Variants in MED12L observed in about 807,000 individuals in gnomAD.
MED12L encodes the protein mediator of RNA polymerase II transcription subunit 12-like protein.
Under a neutral mutation model 281.3 loss-of-function variants are expected in MED12L, and 60 were observed. That is an observed-to-expected ratio of 0.21 (90% CI 0.17 to 0.26). The LOEUF is 0.26. Ranked by LOEUF, MED12L falls within the 10% of genes least tolerant of loss-of-function variation. MED12L has a pLI of 1.00. For missense variants in MED12L, 2,146 were observed against 2,680.9 expected, an observed-to-expected ratio of 0.80 and a Z score of 4.41; for synonymous variants, 974 against 987.2, an observed-to-expected ratio of 0.99 and a Z score of 0.25.
chr3:151,201,826 C>T (rs1016678915), intron 16 of MED12L, among the ~76,000 whole-genome samples: 2 of 152,184 alleles, frequency 1.3e-5, no homozygotes, highest in Non-Finnish European at 2.9e-5. Context: ...CTTATTGTTA[C>T]TTTCTAAGGC....
chr3:151,188,499 T>C lies in MED12L; in HGVS notation c.1753+19T>C. ...TCTTTGTGTAAGTAGAGAAAACTCT[T>C]TGCCTCTAGATCTTAAATAAGGGAT... is the stretch of plus-strand genomic sequence containing the variant. On this transcript the variant is annotated intron_variant, in intron 13 of 44. Transcript: ENST00000687756. 6.3e-7 allele frequency: 1 copy of C among 1,594,414 alleles called. No homozygotes were observed. The highest frequency in any genetic ancestry group is 8.5e-7 in the Non-Finnish European group (1 of 1,171,118).
intron 16 of MED12L, among the ~76,000 whole-genome samples, chr3:151,348,489 AT>A (rs1428860714): frequency 6.6e-6 from 1 of 152,020 alleles, no homozygotes; most frequent in Non-Finnish European, 1.5e-5. Context: ...GTATCCTATG[AT>A]TAGGAATATC....
chr3:151,209,966 G>A (rs1309749490), intron 16 of MED12L, among the ~76,000 whole-genome samples: 3 of 152,152 alleles, frequency 2.0e-5, no homozygotes, highest in African/African-American at 7.2e-5. Context: ...TTTTAGGTTA[G>A]GACTGATGCA....
intron 26 of MED12L, among the ~76,000 whole-genome samples, chr3:151,370,613 T>G (rs1756058233): frequency 6.6e-6 from 1 of 152,174 alleles, no homozygotes; most frequent in African/African-American, 2.4e-5. Context: ...CATTAAGTGC[T>G]CATTTCAGTG....
intron 16 of MED12L, chr3:151,294,716 A>T: frequency 6.2e-7 from 1 of 1,614,210 alleles, no homozygotes; most frequent in South Asian, 1.1e-5. Flanking sequence ...TGTTAGGATG[A>T]TGTTTGGCAA....
At chr3:151,401,216 C>T (rs996531635) in intron 39 of MED12L, among the ~76,000 whole-genome samples, 21 of 150,514 alleles carry the variant, frequency 1.4e-4, no homozygotes, top group Middle Eastern at 3.5e-3. Context: ...TATTTCATTA[C>T]GAATATTAAT....
intron 16 of MED12L, among the ~76,000 whole-genome samples, chr3:151,314,520 A>C (rs1202111184): frequency 1.3e-5 from 2 of 152,224 alleles, no homozygotes; most frequent in Non-Finnish European, 2.9e-5. Flanking sequence ...TGGCACTTGT[A>C]TTAATACTTG....
Position 151,086,854 on chromosome 3 carries a change from C to G in MED12L, c.-73C>G. ...AGAGAGGGAGTCTGTCTGCAAAGTG[C>G]TGCTCCCTGGTGCTCAGAGGCGGCT... On this transcript the variant is annotated 5_prime_UTR_variant, in exon 2 of 45. Coordinates refer to ENST00000687756, the MANE Select transcript of MED12L (RefSeq NM_001393769.1). 8.2e-7 allele frequency: 1 copy of G among 1,226,262 alleles called. No individual in the cohort carries two copies. Among genetic ancestry groups the G allele is most frequent in the Non-Finnish European group, 1.1e-6 (1 of 875,128 alleles). The allele number at this position is 1,226,262 out of a possible 1,614,324, so 76.0% of individuals were successfully genotyped here. A position where few individuals can be genotyped will look rare whatever the true frequency, so the allele number is the denominator to read the frequency against.
intron 5 of MED12L, among the ~76,000 whole-genome samples, chr3:151,145,249 G>T (rs552447747): frequency 3.7e-4 from 57 of 152,282 alleles, no homozygotes; most frequent in African/African-American, 1.3e-3. Flanking sequence ...GTTAATGCAT[G>T]TCAGGGGCTT....
intron 5 of MED12L, among the ~76,000 whole-genome samples, chr3:151,133,592 T>G (rs1201882267): frequency 1.3e-5 from 2 of 152,002 alleles, no homozygotes; most frequent in African/African-American, 4.8e-5. Context: ...TTCTTAGTCC[T>G]TGTGAGACCT....
At chr3:151,405,975 T>C (rs1357288181) in intron 39 of MED12L, among the ~76,000 whole-genome samples, 1 of 152,248 alleles carries the variant, frequency 6.6e-6, no homozygotes, top group African/African-American at 2.4e-5. Flanking sequence ...AAATCTTAGT[T>C]ATTCTGAACA....
chr3:151,354,224 T>C (rs1003803111), intron 17 of MED12L, among the ~76,000 whole-genome samples: 5 of 151,954 alleles, frequency 3.3e-5, no homozygotes, highest in African/African-American at 9.7e-5. Flanking sequence ...TTTTTGTTTT[T>C]AGATTTGTCT....
At chr3:151,103,981 A>C (rs747648291) in intron 2 of MED12L, among the ~76,000 whole-genome samples, 8 of 152,170 alleles carry the variant, frequency 5.3e-5, no homozygotes, top group Non-Finnish European at 7.4e-5. Flanking sequence ...GTGCTGTTTA[A>C]ATGTGAGGGA....
At chr3:151,127,647 A>G (rs1714728882) in intron 4 of MED12L, among the ~76,000 whole-genome samples, 178 bp from the exon 5 acceptor site, 1 of 152,194 alleles carries the variant, frequency 6.6e-6, no homozygotes, top group African/African-American at 2.4e-5. Context: ...TTGGCTTAAA[A>G]TGTTCCTTTA....
intron 16 of MED12L, chr3:151,295,355 T>C (rs910505954): frequency 3.3e-6 from 2 of 607,412 alleles, no homozygotes; most frequent in African/African-American, 1.8e-5. Context: ...GGTAGCACAT[T>C]GTTAATGTTT....
chr3:151,166,117 T>C (rs553538471), intron 11 of MED12L, 135 bp downstream of exon 11: 2 of 671,778 alleles, frequency 3.0e-6, no homozygotes, highest in South Asian at 2.6e-5. Flanking sequence ...CTTGAAATCA[T>C]TCTATTGTTG....
At chr3:151,118,951 T>A (rs893222110) in intron 3 of MED12L, among the ~76,000 whole-genome samples, 4 of 152,212 alleles carry the variant, frequency 2.6e-5, no homozygotes, top group Admixed American at 1.3e-4. Flanking sequence ...CCTCCCAAAG[T>A]GCTGGGATTA....
intron 16 of MED12L, chr3:151,248,727 T>G (rs1244871270): frequency 6.6e-6 from 1 of 152,164 alleles, no homozygotes; most frequent in Non-Finnish European, 1.5e-5. Context: ...TTTGGAAAAG[T>G]CTTGCATAGC....
intron 43 of MED12L, among the ~76,000 whole-genome samples, chr3:151,418,233 T>A (rs1343203759): frequency 6.6e-6 from 1 of 152,224 alleles, no homozygotes. Flanking sequence ...ACTTTCACTT[T>A]TTTTTTTCCA....
Sources: gnomAD v4.1 joint callset for allele counts (sites outside exome capture counted in the v4.1 genomes callset) on GRCh38, gnomAD v4.1.1 for gene constraint, MANE v1.5 for transcripts, NCBI Gene and HGNC (gene_info 2026-07-23, HGNC 2026-07-21) for gene names.